ROBO2: variants seen among roughly 807,000 people sequenced by gnomAD.
ROBO2 encodes roundabout guidance receptor 2, also known as roundabout homolog 2.
Under a neutral mutation model 160.8 loss-of-function variants are expected in ROBO2, and 53 were observed. The ratio of observed to expected loss-of-function variants is 0.33; its 90% confidence interval spans 0.26 to 0.41. ROBO2 has a LOEUF of 0.41. Ranked by LOEUF, ROBO2 falls within the 10% of genes least tolerant of loss-of-function variation. The pLI is 1.00. For synonymous variants in ROBO2, 664 were observed against 611.7 expected (o/e 1.09, Z -1.26); for missense variants, 1,577 against 1,722.4 (o/e 0.92, Z 1.49).
At chr3:76,549,873 T>A (rs777185585) in intron 2 of ROBO2, among the ~76,000 whole-genome samples, 5 of 152,236 alleles carry the variant, frequency 3.3e-5, no homozygotes, top group Non-Finnish European at 7.3e-5. Context: ...CCTGCCATCA[T>A]CTCAAGCTTC....
At chr3:76,976,756 AC>A (rs1438639177) in intron 2 of ROBO2, among the ~76,000 whole-genome samples, 1 of 152,208 alleles carries the variant, frequency 6.6e-6, no homozygotes, top group Non-Finnish European at 1.5e-5. Context: ...ATGAAAACAA[AC>A]CAAACACATT....
At chr3:76,892,036 A>G (rs1169187665) in intron 2 of ROBO2, among the ~76,000 whole-genome samples, 1 of 150,220 alleles carries the variant, frequency 6.7e-6, no homozygotes, top group Non-Finnish European at 1.5e-5. Flanking sequence ...TTCTCGTGGG[A>G]ATGGAGGTGA....
At chr3:76,809,922 A>G (rs1284378085) in intron 2 of ROBO2, among the ~76,000 whole-genome samples, 2 of 151,720 alleles carry the variant, frequency 1.3e-5, no homozygotes, top group Non-Finnish European at 2.9e-5. Flanking sequence ...GAGAGAAGGT[A>G]AAAAAAACTA....
At chr3:76,548,546 G>C (rs934428633) in intron 2 of ROBO2, among the ~76,000 whole-genome samples, 10 of 151,932 alleles carry the variant, frequency 6.6e-5, no homozygotes, top group African/African-American at 2.2e-4. Flanking sequence ...TGAAAGAAGA[G>C]ACTGAGAAGT....
At chr3:76,632,164 A>G (rs2090070724) in intron 2 of ROBO2, among the ~76,000 whole-genome samples, 1 of 152,218 alleles carries the variant, frequency 6.6e-6, no homozygotes. Context: ...TGAGTTATAA[A>G]CATGAATTGT....
intron 2 of ROBO2, among the ~76,000 whole-genome samples, chr3:77,442,354 T>C (rs907944764): frequency 1.3e-5 from 2 of 152,050 alleles, no homozygotes; most frequent in East Asian, 3.9e-4. Context: ...GTCATGTGTT[T>C]GTTGCATGAT....
chr3:77,135,208 T>C (rs1267199165), intron 2 of ROBO2, among the ~76,000 whole-genome samples: 2 of 152,074 alleles, frequency 1.3e-5, no homozygotes, highest in African/African-American at 4.8e-5. Flanking sequence ...AGAAAACAGA[T>C]AGGTGGGAAT....
intron 2 of ROBO2, among the ~76,000 whole-genome samples, chr3:76,114,260 G>T (rs1457034014): frequency 1.3e-5 from 2 of 152,074 alleles, no homozygotes; most frequent in African/African-American, 2.4e-5. Flanking sequence ...TTATCTTGGA[G>T]CCCAAGTACT....
chr3:76,787,967 G>A (rs28576879), intron 2 of ROBO2, among the ~76,000 whole-genome samples: 1,545 of 151,274 alleles, frequency 0.01, 22 homozygotes, highest in African/African-American at 0.034. Context: ...CTCAATTGCA[G>A]TAAAAATAAA....
intron 2 of ROBO2, among the ~76,000 whole-genome samples, chr3:77,156,675 A>G (rs1305653024): frequency 2.0e-5 from 3 of 151,532 alleles, no homozygotes; most frequent in African/African-American, 7.3e-5. Flanking sequence ...TAAATAAAAT[A>G]TACTTCATTT....
At chr3:77,526,010 A>T (rs778436908) in intron 6 of ROBO2, among the ~76,000 whole-genome samples, 1 of 151,424 alleles carries the variant, frequency 6.6e-6, no homozygotes, top group Non-Finnish European at 1.5e-5. Context: ...TCTTTTTGAT[A>T]GTCAATCTTG....
chr3:76,392,015 TA>T (rs2077178184), intron 2 of ROBO2, among the ~76,000 whole-genome samples: 1 of 152,194 alleles, frequency 6.6e-6, no homozygotes, highest in South Asian at 2.1e-4. Context: ...ATTAAACATA[TA>T]TATGAGCATT....
intron 2 of ROBO2, among the ~76,000 whole-genome samples, chr3:77,018,453 G>T (rs1056563784): frequency 1.3e-5 from 2 of 152,108 alleles, no homozygotes; most frequent in African/African-American, 4.8e-5. Flanking sequence ...TATTTTAAAA[G>T]AATTCTATAT....
At chr3:76,526,907 A>G (rs1359465201) in intron 2 of ROBO2, among the ~76,000 whole-genome samples, 1 of 152,116 alleles carries the variant, frequency 6.6e-6, no homozygotes, top group Admixed American at 6.6e-5. Flanking sequence ...TGATTTTGCA[A>G]TGGTCAGAAG....
At chr3:77,268,318 A>C (rs2059268114) in intron 2 of ROBO2, among the ~76,000 whole-genome samples, 1 of 152,208 alleles carries the variant, frequency 6.6e-6, no homozygotes, top group South Asian at 2.1e-4. Context: ...AAAATATATT[A>C]GGGCATTTGT....
At chr3:77,554,786 T>C (rs1043448507) in intron 8 of ROBO2, among the ~76,000 whole-genome samples, 2 of 152,036 alleles carry the variant, frequency 1.3e-5, no homozygotes, top group African/African-American at 4.8e-5. Flanking sequence ...TGACTTGAGA[T>C]GGAATCTACT....
chr3:77,346,773 G>T (rs1225848817), intron 2 of ROBO2, among the ~76,000 whole-genome samples: 1 of 151,996 alleles, frequency 6.6e-6, no homozygotes, highest in African/African-American at 2.4e-5. Context: ...TTCCTCATCG[G>T]ATACCCACTT....
intron 2 of ROBO2, among the ~76,000 whole-genome samples, chr3:76,727,961 C>T (rs1188729724): frequency 6.6e-6 from 1 of 151,868 alleles, no homozygotes; most frequent in Non-Finnish European, 1.5e-5. Flanking sequence ...AACCTAAGTA[C>T]CCTGATTTGA....
chr3:76,110,957 AAAG>A (rs1368607489), intron 2 of ROBO2, among the ~76,000 whole-genome samples: 1 of 152,104 alleles, frequency 6.6e-6, no homozygotes, highest in Non-Finnish European at 1.5e-5. Context: ...AACTATCACT[AAAG>A]AAGGAGACTG....
Sources: gnomAD v4.1 joint callset for allele counts (sites outside exome capture counted in the v4.1 genomes callset) on GRCh38, gnomAD v4.1.1 for gene constraint, MANE v1.5 for transcripts, NCBI Gene and HGNC (gene_info 2026-07-23, HGNC 2026-07-21) for gene names.